The following SHB variants were observed in gnomAD, a reference collection of about 807,000 sequenced individuals.
SHB encodes the protein SH2 domain containing adaptor protein B.
SHB carries 20 observed loss-of-function variants against 52.3 expected under a neutral mutation model. The ratio of observed to expected loss-of-function variants is 0.38; its 90% CI spans 0.27 to 0.56. The LOEUF (loss-of-function observed/expected upper bound fraction) is 0.56. Ranked by LOEUF, SHB falls within the 20% of genes least tolerant of loss-of-function variation. The probability of loss-of-function intolerance (pLI) is 0.71; values close to 1 mark genes in which losing one functional copy is unlikely to be tolerated. For synonymous variants in SHB, 397 were observed against 316.5 expected (o/e 1.25, Z -2.70); for missense variants, 825 against 723.3 (o/e 1.14, Z -1.61).
intron 1 of SHB, among the ~76,000 whole-genome samples, chr9:38,031,414 T>C (rs1218284677): frequency 2.0e-5 from 3 of 152,194 alleles, no homozygotes; most frequent in Admixed American, 6.5e-5. Flanking sequence ...GAATAAAGCA[T>C]AGTCCTTTAA....
At chr9:37,954,723 C>T (rs546487728) in intron 4 of SHB, among the ~76,000 whole-genome samples, 89 of 152,148 alleles carry the variant, frequency 5.8e-4, no homozygotes, top group Non-Finnish European at 1.2e-3. Context: ...TTATGAGACA[C>T]GGTTAGAAAC....
At chr9:38,000,659 T>C (rs1038109254) in intron 2 of SHB, among the ~76,000 whole-genome samples, 2 of 152,230 alleles carry the variant, frequency 1.3e-5, no homozygotes, top group Non-Finnish European at 2.9e-5. Context: ...GCAGTGTGAT[T>C]TGGCCTCCAA....
At chr9:37,945,706 TG>T (rs1340574398) in intron 5 of SHB, among the ~76,000 whole-genome samples, 2 of 152,312 alleles carry the variant, frequency 1.3e-5, no homozygotes, top group African/African-American at 4.8e-5. Context: ...ACAGAGTTGA[TG>T]GTAGAGGCTG....
At chr9:38,051,949 C>T (rs905232065) in intron 1 of SHB, among the ~76,000 whole-genome samples, 1 of 152,174 alleles carries the variant, frequency 6.6e-6, no homozygotes, top group Non-Finnish European at 1.5e-5. Context: ...AGAGCTTCTC[C>T]CTGCAAGGAC....
intron 1 of SHB, among the ~76,000 whole-genome samples, chr9:38,065,385 G>A (rs1377410162): frequency 2.6e-5 from 4 of 152,146 alleles, no homozygotes; most frequent in African/African-American, 9.7e-5. Flanking sequence ...GACAGTTAAG[G>A]AGAAGCCACT....
intron 3 of SHB, among the ~76,000 whole-genome samples, chr9:37,974,179 C>G (rs1218202153): frequency 6.6e-6 from 1 of 152,122 alleles, no homozygotes. Flanking sequence ...TCACTTGAAC[C>G]TGGGAGATGG....
At chr9:38,045,598 G>A (rs1160181492) in intron 1 of SHB, among the ~76,000 whole-genome samples, 1 of 152,084 alleles carries the variant, frequency 6.6e-6, no homozygotes, top group Non-Finnish European at 1.5e-5. Context: ...ACAACAGAGT[G>A]AGACCCTGTC....
chr9:37,985,626 G>C (rs1011278081), intron 2 of SHB, among the ~76,000 whole-genome samples: 2 of 152,264 alleles, frequency 1.3e-5, no homozygotes, highest in African/African-American at 4.8e-5. Context: ...CTACTTAGGA[G>C]ACTGCTTTCT....
At chr9:38,050,326 A>G (rs891986230) in intron 1 of SHB, among the ~76,000 whole-genome samples, 2 of 152,224 alleles carry the variant, frequency 1.3e-5, no homozygotes, top group African/African-American at 4.8e-5. Flanking sequence ...TGCCCCAATT[A>G]AGTCTAAGGA....
intron 5 of SHB, among the ~76,000 whole-genome samples, chr9:37,926,423 G>T (rs371768236): frequency 3.3e-5 from 5 of 152,150 alleles, no homozygotes; most frequent in Non-Finnish European, 7.3e-5. Context: ...CCATCTTACC[G>T]ACTGTGGCCA....
chr9:37,933,508 A>C lies in SHB; in HGVS notation c.1347-13504T>G, dbSNP rs530075059. ...TGGAGTGGAGGTTTTTAAAAAATAG[A>C]GTTTATTCAAGTGTGTCCTAGAATG... is the stretch of plus-strand genomic sequence containing the variant. On this transcript the variant is annotated intron_variant, in intron 5 of 5. Coordinates refer to ENST00000377707, the MANE Select transcript of SHB (RefSeq NM_003028.3). Among the ~76,000 whole-genome samples the C allele has an allele frequency of 8.5e-5, 13 of 152,270 alleles. 3 individuals are homozygous for C. The highest frequency in any genetic ancestry group is 3.1e-4 in the African/African-American group (13 of 41,550).
In SHB at chr9:38,015,995, C is replaced by G; in HGVS notation, c.838+16G>C. 3 of 1,613,718 alleles carry G rather than the reference C, an allele frequency of 1.9e-6. No individual in the cohort carries two copies. Among genetic ancestry groups the G allele is most frequent in the Non-Finnish European group, 8.5e-7 (1 of 1,179,758 alleles). Reference sequence around the variant, plus strand: ...ACAACCCCAGCTGTGAGCCCCTGCGCTTCAGCTCCACTTACCTGTCATGAT... The same window carrying G: ...ACAACCCCAGCTGTGAGCCCCTGCGGTTCAGCTCCACTTACCTGTCATGAT... On this transcript the variant is annotated intron_variant, in intron 2 of 5. Transcript: ENST00000377707.
intron 2 of SHB, among the ~76,000 whole-genome samples, chr9:38,004,404 G>C (rs570204180): frequency 6.6e-6 from 1 of 152,172 alleles, no homozygotes; most frequent in Non-Finnish European, 1.5e-5. Context: ...GAAGGGCCGC[G>C]GTGGAGCTGA....
Position 38,068,206 on chromosome 9 carries a change from C to G in SHB, c.440G>C (p.Gly147Ala). 1 of 1,398,192 alleles carries G rather than the reference C, an allele frequency of 7.2e-7. No individual in the cohort carries two copies. The highest frequency in any genetic ancestry group is 9.2e-7 in the Non-Finnish European group (1 of 1,089,176). The allele number at this position is 1,398,192 out of a possible 1,614,324, so 86.6% of individuals were successfully genotyped here. A position where few individuals can be genotyped will look rare whatever the true frequency, so the allele number is the denominator to read the frequency against. ...GGACGAGGACGAGGACGCGGCGGCCCCCGCGCCCGAGGAGGCGCAGCAACA... is the reference window on the plus strand; with the variant it reads ...GGACGAGGACGAGGACGCGGCGGCCGCCGCGCCCGAGGAGGCGCAGCAACA... Reference protein sequence around the residue: ...AGCCCASSGAGAAASSSSSSG... With the variant: ...AGCCCASSGAAAAASSSSSSG... Residue 147 changes from glycine to alanine, a missense_variant, in exon 1 of 6, where the codon GGG becomes GCG. Transcript: ENST00000377707.
At chr9:37,943,759 A>T (rs1244672291) in intron 5 of SHB, among the ~76,000 whole-genome samples, 2 of 151,776 alleles carry the variant, frequency 1.3e-5, no homozygotes, top group Non-Finnish European at 2.9e-5. Flanking sequence ...AGGCCACAGC[A>T]CTCACCCCGC....
At chr9:38,029,185 G>A (rs892760688) in intron 1 of SHB, among the ~76,000 whole-genome samples, 1 of 152,218 alleles carries the variant, frequency 6.6e-6, no homozygotes, top group Non-Finnish European at 1.5e-5. Context: ...AATCAACTCT[G>A]CCCAGCCCCA....
intron 4 of SHB, 42 bp from the exon 5 acceptor site, chr9:37,948,796 G>A: frequency 6.2e-7 from 1 of 1,610,834 alleles, no homozygotes; most frequent in Non-Finnish European, 8.5e-7. Context: ...AGCGCGATGG[G>A]ATTCCCATGG....
At chr9:38,011,044 C>T (rs1029677584) in intron 2 of SHB, among the ~76,000 whole-genome samples, 1 of 152,216 alleles carries the variant, frequency 6.6e-6, no homozygotes. Context: ...ACCATGACAC[C>T]ACGGCTCTCA....
chr9:37,955,984 A>AC lies in SHB; in HGVS notation c.1124dup (p.Ala376CysfsTer7). 1 of 1,604,050 alleles carries AC rather than the reference A, an allele frequency of 6.2e-7. No homozygotes were observed. The highest frequency in any genetic ancestry group is 8.5e-7 in the Non-Finnish European group (1 of 1,175,994). Reference sequence around the variant, plus strand: ...TAGGCTTAAAGCCCCCTCCAGGGGCACGAAGCTGGCGCCGCCGGTCCCGCG... The same window carrying AC: ...TAGGCTTAAAGCCCCCTCCAGGGGCACCGAAGCTGGCGCCGCCGGTCCCGCG... On this transcript the variant is annotated frameshift_variant, in exon 4 of 6. Transcript: ENST00000377707. LOFTEE classifies it high-confidence loss of function.
Sources: allele counts gnomAD v4.1 joint callset (sites outside exome capture counted in the v4.1 genomes callset), GRCh38; gene constraint gnomAD v4.1.1; transcripts MANE v1.5; gene names NCBI Gene and HGNC (gene_info 2026-07-23, HGNC 2026-07-21).